The following OPCML variants were observed in gnomAD, a reference collection of about 807,000 sequenced individuals.
OPCML encodes opioid binding protein/cell adhesion molecule like.
OPCML carries 13 observed loss-of-function variants against 37.8 expected under a neutral mutation model. That is an observed-to-expected ratio of 0.34 (90% confidence interval 0.22 to 0.55). The LOEUF (loss-of-function observed/expected upper bound fraction) is 0.55. Ranked by LOEUF, OPCML falls within the 20% of genes least tolerant of loss-of-function variation. The pLI is 0.91. For missense variants in OPCML, 341 were observed against 435.6 expected (o/e 0.78, Z 1.93); for synonymous variants, 176 against 168.8 (o/e 1.04, Z -0.33).
intron 3 of OPCML, among the ~76,000 whole-genome samples, chr11:132,571,391 A>G (rs1349433501): frequency 6.6e-6 from 1 of 152,058 alleles, no homozygotes; most frequent in African/African-American, 2.4e-5. Flanking sequence ...TTTCATATAC[A>G]CATATATCCT....
chr11:133,059,593 T>C (rs1477650597), intron 1 of OPCML, among the ~76,000 whole-genome samples: 1 of 152,198 alleles, frequency 6.6e-6, no homozygotes, highest in South Asian at 2.1e-4. Flanking sequence ...AAGAAACACT[T>C]GATTTTATTA....
intron 1 of OPCML, among the ~76,000 whole-genome samples, chr11:133,111,430 C>G (rs887830415): frequency 1.9e-4 from 29 of 152,306 alleles, no homozygotes; most frequent in Middle Eastern, 3.4e-3. Flanking sequence ...TGTCCCTGCC[C>G]TCCAAGAGGT....
At chr11:132,852,296 C>T (rs1342616701) in intron 2 of OPCML, among the ~76,000 whole-genome samples, 1 of 152,104 alleles carries the variant, frequency 6.6e-6, no homozygotes, top group African/African-American at 2.4e-5. Flanking sequence ...ATGCTTTTCT[C>T]CGTTTGATCT....
At chr11:132,487,432 C>T (rs1053171099) in intron 4 of OPCML, among the ~76,000 whole-genome samples, 5 of 152,180 alleles carry the variant, frequency 3.3e-5, no homozygotes, top group Non-Finnish European at 7.3e-5. Flanking sequence ...TATCTGTTCC[C>T]ACAGTCATTC....
intron 2 of OPCML, among the ~76,000 whole-genome samples, chr11:132,669,374 A>C (rs975702440): frequency 2.7e-5 from 4 of 150,286 alleles, no homozygotes; most frequent in African/African-American, 9.8e-5. Context: ...CTAAGGAGAC[A>C]TTCACTGCAC....
chr11:133,213,978 A>C (rs1939480093), intron 1 of OPCML, among the ~76,000 whole-genome samples: 1 of 152,176 alleles, frequency 6.6e-6, no homozygotes, highest in Non-Finnish European at 1.5e-5. Flanking sequence ...TTAGATCATC[A>C]GATGTATGAT....
intron 4 of OPCML, among the ~76,000 whole-genome samples, chr11:132,515,082 C>T (rs951405731): frequency 1.3e-5 from 2 of 152,124 alleles, no homozygotes; most frequent in African/African-American, 4.8e-5. Context: ...CTGAGCAGAG[C>T]TTGTTGGGAA....
intron 2 of OPCML, among the ~76,000 whole-genome samples, chr11:132,787,292 C>T (rs1947247889): frequency 6.6e-6 from 1 of 152,170 alleles, no homozygotes; most frequent in African/African-American, 2.4e-5. Context: ...TGACTGTGAG[C>T]AAAATCTCTG....
At chr11:132,913,607 C>T (rs1944500036) in intron 2 of OPCML, among the ~76,000 whole-genome samples, 1 of 152,178 alleles carries the variant, frequency 6.6e-6, no homozygotes, top group Non-Finnish European at 1.5e-5. Context: ...GGCCGACTCT[C>T]AGTCCAGTAT....
In OPCML at chr11:133,270,369, A is replaced by G. The variant is rs1014535371; in HGVS notation, c.61+261895T>C. Reference sequence around the variant, plus strand: ...AAATATCACACAGTTGGGACAAAGAAAAAAAAAACCATCTCTTTGTTCATC... The same window carrying G: ...AAATATCACACAGTTGGGACAAAGAGAAAAAAAACCATCTCTTTGTTCATC... On this transcript the variant is annotated intron_variant, in intron 1 of 7. Transcript: ENST00000524381. Among the ~76,000 whole-genome samples, 10 of 150,416 alleles carry G rather than the reference A, an allele frequency of 6.6e-5. 1 individual carries two copies. The highest frequency in any genetic ancestry group is 5.3e-4 in the Admixed American group (8 of 15,146).
rs1029788404 is a variant in OPCML, at chr11:133,206,200, G to GTCA, written c.62-263193_62-263191dup. Among the ~76,000 whole-genome samples, 1 of 152,110 alleles carries GTCA rather than the reference G, an allele frequency of 6.6e-6. No homozygotes were observed. Among genetic ancestry groups the GTCA allele is most frequent in the African/African-American group, 2.4e-5 (1 of 41,426 alleles). On this transcript the variant is annotated intron_variant, in intron 1 of 7. Transcript: ENST00000524381. The surrounding 1 kb of genome is among the most constrained non-coding windows in gnomAD (Gnocchi z 4.7). ...AACTGCTTCCCATGGTGCCTAAAAC[G>GTCA]TCATCAATGCTCAATGAATGCGAGC...
In OPCML at chr11:132,420,400, G is replaced by A. The variant is rs759005138; in HGVS notation, c.917-107C>T. 2.6e-5 allele frequency: 39 copies of A among 1,476,204 alleles called. 1 individual carries two copies. Among genetic ancestry groups the A allele is most frequent in the Admixed American group, 7.5e-5 (3 of 40,136 alleles). 91.4% of individuals were successfully genotyped at this position (1,476,204 alleles called of 1,614,324 possible). ...CATGCTTCCCACCTTCCACCCTTCC[G>A]CTGACCATTCCAAGTCTAAACAAAG... On this transcript the variant is annotated intron_variant, in intron 7 of 7. Transcript: ENST00000524381.
At chr11:132,697,685 T>G (rs915112501) in intron 2 of OPCML, among the ~76,000 whole-genome samples, 3 of 152,196 alleles carry the variant, frequency 2.0e-5, no homozygotes, top group Admixed American at 1.3e-4. Context: ...TGGATGCTTA[T>G]GTGGATTCCA....
At chr11:133,468,994 G>A (rs1459607807) in intron 1 of OPCML, among the ~76,000 whole-genome samples, 1 of 152,134 alleles carries the variant, frequency 6.6e-6, no homozygotes, top group Non-Finnish European at 1.5e-5. Flanking sequence ...GAAGGCTGTG[G>A]CTGCTGCCCC....
intron 4 of OPCML, among the ~76,000 whole-genome samples, chr11:132,442,243 A>C (rs2096038444): frequency 6.6e-6 from 1 of 152,336 alleles, no homozygotes; most frequent in African/African-American, 2.4e-5. Context: ...AGATGCCTCA[A>C]GTAAGGTGTA....
rs1306668854 is a variant in OPCML, at chr11:133,140,525, T to TAAGAAGAAGAAG, written c.62-197516_62-197515insCTTCTTCTTCTT. ...AGACTCTGTCTCAAAATAATAATAATAATAATAAGAAGAAGAAGAAGAAGA... is the reference window on the plus strand; with the variant it reads ...AGACTCTGTCTCAAAATAATAATAATAAGAAGAAGAAGAATAATAAGAAGAAGAAGAAGAAGA... On this transcript the variant is annotated intron_variant, in intron 1 of 7. Coordinates refer to ENST00000524381, the MANE Select transcript of OPCML (RefSeq NM_001012393.5). 6.7e-3 allele frequency among the ~76,000 whole-genome samples: 382 copies of TAAGAAGAAGAAG among 56,976 alleles called. 1 individual carries two copies. The highest frequency in any genetic ancestry group is 0.023 in the East Asian group (45 of 1,930). 37.4% of individuals were successfully genotyped at this position (56,976 alleles called of 152,430 possible).
At chr11:133,223,596 C>T (rs542791977) in intron 1 of OPCML, among the ~76,000 whole-genome samples, 1 of 152,266 alleles carries the variant, frequency 6.6e-6, no homozygotes, top group South Asian at 2.1e-4. Flanking sequence ...AACCACATTC[C>T]AGTTGCGGCA....
chr11:133,027,660 G>A (rs901572092), intron 1 of OPCML, among the ~76,000 whole-genome samples: 12 of 141,002 alleles, frequency 8.5e-5, no homozygotes. Context: ...GCATGTGTGG[G>A]GCGTGTGGTG....
intron 1 of OPCML, chr11:133,420,476 T>C (rs1945864063): frequency 1.0e-6 from 1 of 985,146 alleles, no homozygotes; most frequent in South Asian, 4.7e-5. Flanking sequence ...TGCTTCTTCT[T>C]CTTTAGGACT....
Sources: gnomAD v4.1 joint callset for allele counts (sites outside exome capture counted in the v4.1 genomes callset) on GRCh38, gnomAD v4.1.1 for gene constraint, Gnocchi (gnomAD v3.1) non-coding constraint, MANE v1.5 for transcripts, NCBI Gene and HGNC (gene_info 2026-07-23, HGNC 2026-07-21) for gene names.